The following SERAC1 variants were observed in gnomAD, a reference collection of about 807,000 sequenced individuals.
SERAC1 encodes the protein serine active site containing 1.
In SERAC1, 36 loss-of-function variants were observed where a neutral mutation model predicts 85.7. That is an observed-to-expected ratio of 0.42 (90% CI 0.32 to 0.55). SERAC1 has a LOEUF of 0.55. Ranked by LOEUF, SERAC1 falls within the 20% of genes least tolerant of loss-of-function variation. SERAC1 has a pLI of 0.11. For missense variants in SERAC1, 629 were observed against 796.2 expected (o/e 0.79, Z 2.53); for synonymous variants, 242 against 265.3 (o/e 0.91, Z 0.85).
intron 10 of SERAC1, among the ~76,000 whole-genome samples, chr6:158,121,159 C>A (rs1278912153): frequency 6.6e-6 from 1 of 151,746 alleles, no homozygotes; most frequent in Non-Finnish European, 1.5e-5. Flanking sequence ...GTTTTTAAAA[C>A]TTTATATACA....
chr6:158,134,795 G>A lies in SERAC1; in HGVS notation c.739-4309C>T, dbSNP rs1238358479. On this transcript the variant is annotated intron_variant, in intron 8 of 16. Transcript: ENST00000647468. ...TAAAACCACTGGCTGAAAGTTTGAA[G>A]AGCAACAGGACAGTCTCCTAATCTC... Among the ~76,000 whole-genome samples the A allele has an allele frequency of 2.6e-5, 4 of 152,216 alleles. No individual in the cohort carries two copies. In the East Asian group the frequency reaches 5.8e-4, roughly 22 times the overall value.
intron 16 of SERAC1, chr6:158,111,852 C>T (rs1434190723): frequency 6.1e-6 from 1 of 163,066 alleles, no homozygotes; most frequent in Non-Finnish European, 1.3e-5. Context: ...CTATTATAAA[C>T]TTCCTTTCTC....
chr6:158,152,270 C>T (rs1349512654), intron 3 of SERAC1, among the ~76,000 whole-genome samples: 2 of 152,146 alleles, frequency 1.3e-5, no homozygotes, highest in African/African-American at 4.8e-5. Context: ...AATCTCAACA[C>T]TCTGGGAGGC....
intron 10 of SERAC1, among the ~76,000 whole-genome samples, chr6:158,122,258 A>G (rs1278872523): frequency 2.6e-5 from 4 of 152,208 alleles, no homozygotes; most frequent in Non-Finnish European, 4.4e-5. Context: ...CACAGTGACA[A>G]AACTGCCTAA....
intron 10 of SERAC1, among the ~76,000 whole-genome samples, chr6:158,127,371 T>TG (rs1784567751): frequency 4.6e-5 from 2 of 43,194 alleles, no homozygotes; most frequent in Non-Finnish European, 1.1e-4. Context: ...GGGAGGGAGG[T>TG]GGGGGGGTCA....
At chr6:158,155,150 C>T (rs565174680) in intron 3 of SERAC1, among the ~76,000 whole-genome samples, 165 bp downstream of exon 3, 1 of 152,186 alleles carries the variant, frequency 6.6e-6, no homozygotes, top group African/African-American at 2.4e-5. Context: ...AGTAAGGAAA[C>T]CACATCATGA....
intron 14 of SERAC1, among the ~76,000 whole-genome samples, chr6:158,115,597 CG>C (rs1562432463): frequency 6.6e-6 from 1 of 152,176 alleles, no homozygotes; most frequent in African/African-American, 2.4e-5. Flanking sequence ...AACTAGGCCA[CG>C]GGCTGCAGAA....
intron 5 of SERAC1, 38 bp from the exon 6 acceptor site, chr6:158,146,951 T>G: frequency 6.3e-7 from 1 of 1,596,528 alleles, no homozygotes; most frequent in Non-Finnish European, 8.6e-7. Context: ...TGTGAAAAGT[T>G]AAGATAATAC....
At chr6:158,116,102 A>AAAGAT in intron 14 of SERAC1, 83 bp downstream of exon 14, 1 of 1,123,364 alleles carries the variant, frequency 8.9e-7, no homozygotes, top group South Asian at 1.3e-5. Flanking sequence ...AGTAAAATGG[A>AAAGAT]AAGATAAAAT....
chr6:158,151,062 C>G, intron 3 of SERAC1: 1 of 154,746 alleles, frequency 6.5e-6, no homozygotes, highest in Admixed American at 6.3e-5. Context: ...AGGGCAGGTC[C>G]ATCAGGAGGC....
At chr6:158,159,313 G>A (rs1785428662) in intron 1 of SERAC1, 1 of 151,820 alleles carries the variant, frequency 6.6e-6, no homozygotes, top group Non-Finnish European at 1.5e-5. Context: ...AGACCAGCCT[G>A]GCCAACATAG....
chr6:158,161,087 T>TTG (rs1203317010), intron 1 of SERAC1: 1 of 152,140 alleles, frequency 6.6e-6, no homozygotes, highest in African/African-American at 2.4e-5. Context: ...TAAAAAATAG[T>TTG]TGTGTTTGGG....
At chr6:158,155,526 C>T (rs1314007532) in intron 2 of SERAC1, among the ~76,000 whole-genome samples, 175 bp from the exon 3 acceptor site, 1 of 152,120 alleles carries the variant, frequency 6.6e-6, no homozygotes, top group Non-Finnish European at 1.5e-5. Context: ...GACACAAACA[C>T]ACAAATCAAC....
At chr6:158,167,197 A>C (rs2128427036) in intron 1 of SERAC1, among the ~76,000 whole-genome samples, 1 of 143,120 alleles carries the variant, frequency 7.0e-6, no homozygotes, top group South Asian at 2.3e-4. Context: ...TGGGTTCCTT[A>C]GCGATCACAT....
In SERAC1 at chr6:158,158,488, G is replaced by A. The variant is rs145754868; in HGVS notation, c.-1-124C>T. 7.6e-4 allele frequency: 455 copies of A among 596,638 alleles called. 1 individual carries two copies. The African/African-American group carries it at 7.7e-3, about 10-fold the overall frequency. The allele number at this position is 596,638 out of a possible 1,614,324, so 37.0% of individuals were successfully genotyped here. ...ACAGAGTTAGCTTTTTCAAGACTAC[G>A]AAGAAAACTTTCCAATTAAAAAAAA... On this transcript the variant is annotated intron_variant, in intron 1 of 16. Coordinates refer to ENST00000647468, the MANE Select transcript of SERAC1 (RefSeq NM_032861.4).
chr6:158,160,377 AC>A (rs1032060796), intron 1 of SERAC1, among the ~76,000 whole-genome samples: 62 of 152,164 alleles, frequency 4.1e-4, no homozygotes, highest in African/African-American at 1.5e-3. Flanking sequence ...AACAAATACT[AC>A]CCTTTTTGGG....
intron 3 of SERAC1, among the ~76,000 whole-genome samples, chr6:158,151,913 G>T (rs1288003936): frequency 6.6e-6 from 1 of 151,868 alleles, no homozygotes; most frequent in African/African-American, 2.4e-5. Context: ...AATTATTAAA[G>T]CCAGGACTTT....
In SERAC1 at chr6:158,151,374, G is replaced by A. The variant is rs114832941; in HGVS notation, c.129-785C>T. 8.3e-3 allele frequency among the ~76,000 whole-genome samples: 1,259 copies of A among 152,246 alleles called. 19 individuals carry two copies. The highest frequency in any genetic ancestry group is 0.028 in the African/African-American group (1,166 of 41,536). ...TGCGGCATGCTATGACTGTACCCAC[G>A]AGTAGCCGCTGCTCTCCAGCCTGGG... On this transcript the variant is annotated intron_variant, in intron 3 of 16. Coordinates refer to ENST00000647468, the MANE Select transcript of SERAC1 (RefSeq NM_032861.4).
intron 8 of SERAC1, among the ~76,000 whole-genome samples, chr6:158,134,422 T>C (rs1784747206): frequency 6.6e-6 from 1 of 152,086 alleles, no homozygotes; most frequent in South Asian, 2.1e-4. Context: ...CATTTTCTAA[T>C]ACCAAAAAAT....
Sources: allele counts gnomAD v4.1 joint callset (sites outside exome capture counted in the v4.1 genomes callset), GRCh38; gene constraint gnomAD v4.1.1; transcripts MANE v1.5; gene names NCBI Gene and HGNC (gene_info 2026-07-23, HGNC 2026-07-21).